Variants in DNAJC1 observed in about 807,000 individuals in gnomAD.
DNAJC1 encodes the protein DnaJ heat shock protein family (Hsp40) member C1.
Under a neutral mutation model 76.6 loss-of-function variants are expected in DNAJC1, and 58 were observed. The observed-to-expected ratio is 0.76, with a 90% CI of 0.61 to 0.94. The LOEUF is 0.94. DNAJC1 is among the 40% of genes least tolerant of loss of function. The probability of loss-of-function intolerance (pLI) is 0.00; values close to 1 mark genes in which losing one functional copy is unlikely to be tolerated. For synonymous variants in DNAJC1, 258 were observed against 267.9 expected (o/e 0.96, Z 0.36); for missense variants, 689 against 677.3 (o/e 1.02, Z -0.19).
intron 1 of DNAJC1, among the ~76,000 whole-genome samples, chr10:21,963,359 A>G (rs563233246): frequency 6.6e-6 from 1 of 152,336 alleles, no homozygotes; most frequent in South Asian, 2.1e-4. Flanking sequence ...ACAGTTTTAC[A>G]TGCAAGGTGT....
intron 9 of DNAJC1, among the ~76,000 whole-genome samples, chr10:21,794,686 G>A (rs1834733332): frequency 6.6e-6 from 1 of 151,898 alleles, no homozygotes; most frequent in Non-Finnish European, 1.5e-5. Flanking sequence ...ACACTAAAAA[G>A]CATAATCTAT....
intron 6 of DNAJC1, among the ~76,000 whole-genome samples, chr10:21,913,084 G>A (rs1836895077): frequency 6.6e-6 from 1 of 151,798 alleles, no homozygotes. Context: ...CATCCTGATG[G>A]GGGTGGGGAT....
At chr10:21,862,930 C>T (rs777964296) in intron 8 of DNAJC1, among the ~76,000 whole-genome samples, 1 of 152,002 alleles carries the variant, frequency 6.6e-6, no homozygotes. Flanking sequence ...GTTGGGAGTT[C>T]GAGACCAGCC....
chr10:21,941,917 G>A (rs1046543061), intron 1 of DNAJC1, among the ~76,000 whole-genome samples: 8 of 151,988 alleles, frequency 5.3e-5, no homozygotes, highest in African/African-American at 1.9e-4. Context: ...AGGATGAGAA[G>A]GTAACCACTA....
chr10:21,853,110 ATAATC>A (rs1258464827), intron 8 of DNAJC1, among the ~76,000 whole-genome samples: 1 of 152,200 alleles, frequency 6.6e-6, no homozygotes, highest in Non-Finnish European at 1.5e-5. Flanking sequence ...ACTACATAAA[ATAATC>A]TAAACTTCTT....
intron 9 of DNAJC1, among the ~76,000 whole-genome samples, chr10:21,796,622 T>C (rs1475475222): frequency 1.3e-5 from 2 of 152,218 alleles, no homozygotes; most frequent in East Asian, 3.8e-4. Flanking sequence ...TGTTTTGTTT[T>C]TGTTTTTTTG....
chr10:21,892,267 G>A (rs1403323797), intron 7 of DNAJC1, among the ~76,000 whole-genome samples: 1 of 151,202 alleles, frequency 6.6e-6, no homozygotes, highest in South Asian at 2.1e-4. Flanking sequence ...GAAAAAATAG[G>A]AAATAAAAAA....
chr10:21,868,667 G>A (rs903269604), intron 8 of DNAJC1, among the ~76,000 whole-genome samples: 1 of 151,946 alleles, frequency 6.6e-6, no homozygotes, highest in Non-Finnish European at 1.5e-5. Context: ...TAGAGAATTG[G>A]TTGTCAGAGG....
At chr10:21,941,444 G>C (rs1297136893) in intron 1 of DNAJC1, among the ~76,000 whole-genome samples, 1 of 151,974 alleles carries the variant, frequency 6.6e-6, no homozygotes, top group Non-Finnish European at 1.5e-5. Flanking sequence ...TATTGGATGG[G>C]ATAATAGTAT....
chr10:21,842,266 A>T (rs954898644), intron 8 of DNAJC1, among the ~76,000 whole-genome samples: 1 of 151,878 alleles, frequency 6.6e-6, no homozygotes, highest in African/African-American at 2.4e-5. Flanking sequence ...AAAAAAAAAA[A>T]CCTCATGTGA....
At chr10:21,941,022 C>T (rs565329133) in intron 1 of DNAJC1, among the ~76,000 whole-genome samples, 29 of 145,392 alleles carry the variant, frequency 2.0e-4, no homozygotes, top group African/African-American at 6.6e-4. Context: ...GAGGCCAAGG[C>T]GGGCGGATCA....
At chr10:21,799,127 C>T (rs1348413783) in intron 9 of DNAJC1, among the ~76,000 whole-genome samples, 1 of 152,100 alleles carries the variant, frequency 6.6e-6, no homozygotes, top group Non-Finnish European at 1.5e-5. Context: ...TATAAAAAAC[C>T]ATCATGTAAG....
intron 9 of DNAJC1, among the ~76,000 whole-genome samples, chr10:21,779,623 G>C (rs572967436): frequency 6.6e-6 from 1 of 152,170 alleles, no homozygotes. Context: ...ACCAAAGGTA[G>C]ATAAAACCAC....
At chr10:21,836,298 G>C (rs1225510633) in intron 8 of DNAJC1, among the ~76,000 whole-genome samples, 2 of 152,038 alleles carry the variant, frequency 1.3e-5, no homozygotes, top group Admixed American at 6.5e-5. Context: ...TCACCACCAG[G>C]CCTGCCCTAA....
chr10:21,758,693 G>C (rs74120986), intron 11 of DNAJC1, among the ~76,000 whole-genome samples: 9 of 152,328 alleles, frequency 5.9e-5, no homozygotes, highest in African/African-American at 1.9e-4. Context: ...AGATGATCAC[G>C]GTAATACCAT....
chr10:21,780,853 C>T (rs1459944645), intron 9 of DNAJC1, among the ~76,000 whole-genome samples: 1 of 152,142 alleles, frequency 6.6e-6, no homozygotes, highest in Non-Finnish European at 1.5e-5. Context: ...GGAGACCCAT[C>T]TCATGTGCAG....
chr10:21,908,290 G>A (rs1285589800), intron 6 of DNAJC1, among the ~76,000 whole-genome samples: 11 of 113,116 alleles, frequency 9.7e-5, no homozygotes, highest in Non-Finnish European at 1.0e-4. Context: ...ATATATATAA[G>A]AATTTCCTAA....
At chr10:21,925,919 CTT>C (rs915521954) in intron 3 of DNAJC1, among the ~76,000 whole-genome samples, 13 of 152,286 alleles carry the variant, frequency 8.5e-5, no homozygotes, top group African/African-American at 3.1e-4. Flanking sequence ...AAACAGGTGA[CTT>C]TTATTGTATG....
intron 9 of DNAJC1, among the ~76,000 whole-genome samples, chr10:21,792,297 T>C (rs1335182254): frequency 6.6e-6 from 1 of 152,192 alleles, no homozygotes; most frequent in East Asian, 1.9e-4. Context: ...TCAAAGAAGA[T>C]ATAATAACAA....
Sources: allele counts gnomAD v4.1 joint callset (sites outside exome capture counted in the v4.1 genomes callset), GRCh38; gene constraint gnomAD v4.1.1; transcripts MANE v1.5; gene names NCBI Gene and HGNC (gene_info 2026-07-23, HGNC 2026-07-21).